STK39: variants seen among roughly 807,000 people sequenced by gnomAD.
STK39 encodes the protein STE20/SPS1-related proline-alanine-rich protein kinase.
A neutral mutation model predicts 77.8 loss-of-function variants in STK39; 20 were observed. The observed-to-expected ratio is 0.26, with a 90% CI of 0.18 to 0.37. The LOEUF is 0.37. Ranked by LOEUF, STK39 falls within the 10% of genes least tolerant of loss-of-function variation. The pLI, the probability that STK39 is intolerant of heterozygous loss-of-function variation, is 1.00. For synonymous variants in STK39, 246 were observed against 234.1 expected (o/e 1.05, Z -0.47); for missense variants, 479 against 656.5 (o/e 0.73, Z 2.95).
chr2:168,129,396 A>G, intron 10 of STK39, 145 bp downstream of exon 10: 7 of 850,964 alleles, frequency 8.2e-6, no homozygotes, highest in Non-Finnish European at 1.3e-5. Context: ...GAAAAGGCAA[A>G]TGCAGTTATC....
chr2:168,145,434 A>G (rs1277872474), intron 5 of STK39, among the ~76,000 whole-genome samples: 1 of 152,132 alleles, frequency 6.6e-6, no homozygotes, highest in Non-Finnish European at 1.5e-5. Context: ...GGTCCAAGGC[A>G]GGCCCCTGCT....
chr2:167,971,100 A>G (rs1442092171), intron 16 of STK39, among the ~76,000 whole-genome samples: 1 of 152,196 alleles, frequency 6.6e-6, no homozygotes, highest in Non-Finnish European at 1.5e-5. Context: ...TGAACATGCA[A>G]GGTAACTGCA....
At chr2:168,061,870 G>A (rs896333279) in intron 14 of STK39, among the ~76,000 whole-genome samples, 2 of 152,266 alleles carry the variant, frequency 1.3e-5, no homozygotes, top group East Asian at 1.9e-4. Flanking sequence ...TCAGTAGTAC[G>A]TGTTTTGACA....
chr2:168,063,417 A>G, intron 14 of STK39, 83 bp downstream of exon 14: 1 of 1,211,112 alleles, frequency 8.3e-7, no homozygotes, highest in Non-Finnish European at 1.2e-6. Flanking sequence ...ATTTTATGCT[A>G]ATATTATGAA....
chr2:168,162,286 CAAAA>C (rs5836174), intron 4 of STK39, among the ~76,000 whole-genome samples: 52 of 85,692 alleles, frequency 6.1e-4, no homozygotes, highest in Admixed American at 2.0e-3. Context: ...AACTTGGTCT[CAAAA>C]AAAAAAAAAA....
intron 14 of STK39, among the ~76,000 whole-genome samples, chr2:168,030,127 C>G (rs1684797860): frequency 6.6e-6 from 1 of 152,124 alleles, no homozygotes; most frequent in Admixed American, 6.6e-5. Context: ...GGTAGTCCAG[C>G]TACTCGGAAG....
At chr2:168,198,169 C>G (rs1296698932) in intron 1 of STK39, among the ~76,000 whole-genome samples, 1 of 152,176 alleles carries the variant, frequency 6.6e-6, no homozygotes, top group South Asian at 2.1e-4. Context: ...CACACACACA[C>G]GCACATGAAT....
At chr2:167,962,759 A>AGC (rs1283566499) in intron 17 of STK39, among the ~76,000 whole-genome samples, 1 of 152,240 alleles carries the variant, frequency 6.6e-6, no homozygotes, top group East Asian at 1.9e-4. Flanking sequence ...AAAACTGTAC[A>AGC]GCCCTAAGGC....
intron 14 of STK39, among the ~76,000 whole-genome samples, chr2:168,046,962 GT>G (rs1685259611): frequency 6.6e-6 from 1 of 151,934 alleles, no homozygotes; most frequent in Non-Finnish European, 1.5e-5. Context: ...CTTCTGTTTT[GT>G]TTTTACCCAG....
At chr2:168,221,801 G>A (rs947406538) in intron 1 of STK39, among the ~76,000 whole-genome samples, 1 of 151,958 alleles carries the variant, frequency 6.6e-6, no homozygotes, top group Non-Finnish European at 1.5e-5. Context: ...ACTCACCGGG[G>A]CGCAACAAAG....
intron 1 of STK39, among the ~76,000 whole-genome samples, chr2:168,205,987 A>G (rs1418478391): frequency 6.6e-6 from 1 of 152,186 alleles, no homozygotes; most frequent in African/African-American, 2.4e-5. Flanking sequence ...AAAACAACGA[A>G]ATGTGTTTTA....
chr2:168,182,907 T>C (rs748836433), intron 1 of STK39, among the ~76,000 whole-genome samples: 9 of 152,096 alleles, frequency 5.9e-5, no homozygotes, highest in Non-Finnish European at 1.2e-4. Flanking sequence ...CACTGCAAGA[T>C]AGCCAACAAC....
chr2:168,001,519 T>TA (rs61249572), intron 16 of STK39, among the ~76,000 whole-genome samples: 1,690 of 150,466 alleles, frequency 0.011, 25 homozygotes, highest in African/African-American at 0.034. Flanking sequence ...CCTCTTTTTT[T>TA]AAAAAAAAAA....
chr2:168,151,891 C>A (rs1041716258), intron 5 of STK39, among the ~76,000 whole-genome samples: 1 of 152,162 alleles, frequency 6.6e-6, no homozygotes, highest in Non-Finnish European at 1.5e-5. Flanking sequence ...TTATATTTGG[C>A]TCAAAGTTCA....
At chr2:167,998,989 A>G (rs1247663420) in intron 16 of STK39, among the ~76,000 whole-genome samples, 1 of 152,238 alleles carries the variant, frequency 6.6e-6, no homozygotes, top group East Asian at 1.9e-4. Context: ...TTATACTTTA[A>G]CTACAAAGGG....
At chr2:168,083,832 T>G (rs1344020780) in intron 10 of STK39, among the ~76,000 whole-genome samples, 1 of 151,594 alleles carries the variant, frequency 6.6e-6, no homozygotes, top group Non-Finnish European at 1.5e-5. Context: ...AAGCAGAAAA[T>G]GCAAAGGAAA....
chr2:168,221,293 T>A (rs1574568330), intron 1 of STK39, among the ~76,000 whole-genome samples: 2 of 152,288 alleles, frequency 1.3e-5, no homozygotes, highest in Admixed American at 6.5e-5. Context: ...ATTGATTGTC[T>A]CAGAGTCCAG....
chr2:168,039,740 C>T (rs77376217), intron 14 of STK39, among the ~76,000 whole-genome samples: 1,595 of 152,134 alleles, frequency 0.01, 32 homozygotes, highest in African/African-American at 0.036. Flanking sequence ...GATAGCTTCA[C>T]GGGTGTACAC....
At chr2:168,110,573 T>C (rs1005265412) in intron 10 of STK39, among the ~76,000 whole-genome samples, 1 of 152,184 alleles carries the variant, frequency 6.6e-6, no homozygotes, top group Non-Finnish European at 1.5e-5. Flanking sequence ...ATATCTCATC[T>C]CGGAACTATT....
Sources: allele counts gnomAD v4.1 joint callset (sites outside exome capture counted in the v4.1 genomes callset), GRCh38; gene constraint gnomAD v4.1.1; transcripts MANE v1.5; gene names NCBI Gene and HGNC (gene_info 2026-07-23, HGNC 2026-07-21).